Variants in SPMIP4 observed in about 807,000 individuals in gnomAD.
SPMIP4 encodes the protein sperm microtubule inner protein 4, also known as sperm-associated microtubule inner protein 4.
At chr7:25,138,032 TTTTC>T in the SPMIP4 span, among the ~76,000 whole-genome samples, 2 of 152,216 alleles carry the variant, frequency 1.3e-5, no homozygotes, top group Non-Finnish European at 1.5e-5. This position sits in a 1 kb window ranked among gnomAD's most constrained non-coding sequence, Gnocchi z 6.2. Flanking sequence ...ACTATTCAGA[TTTTC>T]TTTATCTTCT....
chr7:25,162,905 G>A, the SPMIP4 span, among the ~76,000 whole-genome samples: 1 of 152,102 alleles, frequency 6.6e-6, no homozygotes, highest in Non-Finnish European at 1.5e-5. Flanking sequence ...CTGAGTAGCT[G>A]GGATTACAGG....
chr7:25,171,527 G>A, the SPMIP4 span, among the ~76,000 whole-genome samples: 21 of 152,186 alleles, frequency 1.4e-4, no homozygotes, highest in African/African-American at 5.1e-4. Context: ...CAGTAATGGC[G>A]GCCTAGGTTA....
the SPMIP4 span, chr7:25,134,908 T>A: frequency 2.7e-5 from 27 of 985,466 alleles, 1 homozygote; most frequent in East Asian, 3.1e-3. Flanking sequence ...TGTAAACTTT[T>A]ACTTCCTGTC....
At chr7:25,166,827 G>T in the SPMIP4 span, among the ~76,000 whole-genome samples, 1 of 150,030 alleles carries the variant, frequency 6.7e-6, no homozygotes. Flanking sequence ...CTCAGGAAGG[G>T]GAGGTTGCAG....
At chr7:25,136,431 T>G in the SPMIP4 span, 11 of 1,614,214 alleles carry the variant, frequency 6.8e-6, no homozygotes, top group Non-Finnish European at 9.3e-6. This position sits in a 1 kb window ranked among gnomAD's most constrained non-coding sequence, Gnocchi z 5.7. Context: ...ATAAATCTTC[T>G]GTCTTTTTAG....
the SPMIP4 span, chr7:25,135,435 T>A: frequency 1.0e-6 from 1 of 985,604 alleles, no homozygotes; most frequent in Middle Eastern, 5.2e-4. Context: ...AGAGTCCACA[T>A]ACTTTTAAGA....
chr7:25,131,936 C>CG, the SPMIP4 span, among the ~76,000 whole-genome samples: 1 of 152,160 alleles, frequency 6.6e-6, no homozygotes. The surrounding 1 kb of genome is among the most constrained non-coding windows in gnomAD (Gnocchi z 4.2). Context: ...TGGAAGTCAG[C>CG]GGCGGGTCTG....
the SPMIP4 span, chr7:25,134,973 G>T: frequency 1.0e-6 from 1 of 982,740 alleles, no homozygotes; most frequent in Non-Finnish European, 1.2e-6. Context: ...TCTAACTTTA[G>T]CCCAGAATAG....
At chr7:25,179,197 G>A in the SPMIP4 span, 7 of 1,609,896 alleles carry the variant, frequency 4.3e-6, no homozygotes, top group East Asian at 4.5e-5. Flanking sequence ...GCAGTTGGGC[G>A]AGTAACCGTC....
At chr7:25,155,047 T>C in the SPMIP4 span, 3 of 1,614,088 alleles carry the variant, frequency 1.9e-6, no homozygotes, top group Non-Finnish European at 1.7e-6. Flanking sequence ...TAAGCCTTGG[T>C]TGGCACCGTG....
chr7:25,154,708 G>GA, the SPMIP4 span, among the ~76,000 whole-genome samples: 6 of 151,542 alleles, frequency 4.0e-5, no homozygotes, highest in Admixed American at 1.3e-4. Context: ...GAGCAGGAAA[G>GA]AAATAAAAAT....
the SPMIP4 span, chr7:25,142,252 C>T: frequency 6.2e-7 from 1 of 1,612,174 alleles, no homozygotes; most frequent in Non-Finnish European, 8.5e-7. Flanking sequence ...GGCTCTGGGT[C>T]AAATCCTATC....
the SPMIP4 span, among the ~76,000 whole-genome samples, chr7:25,178,612 T>G: frequency 6.6e-6 from 1 of 152,222 alleles, no homozygotes; most frequent in African/African-American, 2.4e-5. Flanking sequence ...CGGACCATTC[T>G]AAGATTTTAG....
At chr7:25,129,962 G>A in the SPMIP4 span, among the ~76,000 whole-genome samples, 1 of 152,050 alleles carries the variant, frequency 6.6e-6, no homozygotes, top group Non-Finnish European at 1.5e-5. Context: ...TGGTGGCTGG[G>A]TGTGGTGGCT....
chr7:25,162,630 T>C, the SPMIP4 span, among the ~76,000 whole-genome samples: 2 of 152,166 alleles, frequency 1.3e-5, no homozygotes, highest in African/African-American at 4.8e-5. Flanking sequence ...TACATTTTGA[T>C]AATATAGATG....
At chr7:25,131,187 T>G in the SPMIP4 span, among the ~76,000 whole-genome samples, 1 of 152,240 alleles carries the variant, frequency 6.6e-6, no homozygotes, top group Non-Finnish European at 1.5e-5. The surrounding 1 kb of genome is among the most constrained non-coding windows in gnomAD (Gnocchi z 4.2). Flanking sequence ...ATGCTCCTTA[T>G]GAGAATCTAA....
the SPMIP4 span, among the ~76,000 whole-genome samples, chr7:25,132,258 AG>A: frequency 6.6e-5 from 10 of 152,206 alleles, no homozygotes; most frequent in South Asian, 2.1e-3. The surrounding 1 kb of genome is among the most constrained non-coding windows in gnomAD (Gnocchi z 5.0). Context: ...GTCGGGTGTG[AG>A]CTAAGTTGCA....
chr7:25,176,558 T>C, the SPMIP4 span, among the ~76,000 whole-genome samples: 1,736 of 152,330 alleles, frequency 0.011, 40 homozygotes, highest in African/African-American at 0.039. This position sits in a 1 kb window ranked among gnomAD's most constrained non-coding sequence, Gnocchi z 4.4. Context: ...TACAAGAATA[T>C]TTCTTTTCAT....
chr7:25,151,721 C>G, the SPMIP4 span: 2 of 1,137,048 alleles, frequency 1.8e-6, no homozygotes, highest in South Asian at 1.3e-5. Flanking sequence ...TAAGAACAGT[C>G]TTTTAGAGGA....
Sources: allele counts gnomAD v4.1 joint callset (sites outside exome capture counted in the v4.1 genomes callset), GRCh38; gene constraint gnomAD v4.1.1; non-coding constraint Gnocchi (gnomAD v3.1); transcripts MANE v1.5; gene names NCBI Gene and HGNC (gene_info 2026-07-23, HGNC 2026-07-21).